The following ZNF451 variants were observed in gnomAD, a reference collection of about 807,000 sequenced individuals.
ZNF451 encodes the protein zinc finger protein 451, also known as E3 SUMO-protein ligase ZNF451.
ZNF451 carries 80 observed loss-of-function variants against 107.1 expected under a neutral mutation model. That is an observed-to-expected ratio of 0.75 (90% CI 0.62 to 0.90). ZNF451 has a LOEUF of 0.90. Ranked by LOEUF, ZNF451 falls within the 40% of genes least tolerant of loss-of-function variation. ZNF451 has a pLI of 0.00. For synonymous variants in ZNF451, 362 were observed against 406.5 expected (o/e 0.89, Z 1.32); for missense variants, 1,107 against 1,236.2 (o/e 0.90, Z 1.57).
chr6:57,092,362 CG>C (rs1370841836), intron 2 of ZNF451, among the ~76,000 whole-genome samples: 1 of 152,118 alleles, frequency 6.6e-6, no homozygotes, highest in Non-Finnish European at 1.5e-5. Flanking sequence ...GGATCACTTC[CG>C]TCTTTGCATC....
At chr6:57,101,723 G>A (rs1414751211) in intron 3 of ZNF451, 10 of 1,550,604 alleles carry the variant, frequency 6.4e-6, no homozygotes, top group Non-Finnish European at 8.7e-6. Context: ...TGGCAACTTT[G>A]TACTACTAGG....
intron 3 of ZNF451, 188 bp downstream of exon 3, chr6:57,099,329 A>G (rs13206250): frequency 0.056 from 35,804 of 642,092 alleles, 1,255 homozygotes; most frequent in Non-Finnish European, 0.071. Flanking sequence ...CTCTACTTTG[A>G]ATGAGATTAT....
At chr6:57,168,378 G>C (rs766317628) in intron 14 of ZNF451, 45 bp from the exon 15 acceptor site, 2 of 1,351,342 alleles carry the variant, frequency 1.5e-6, no homozygotes. Flanking sequence ...AGCACATGTT[G>C]AGTTTTCTGC....
chr6:57,103,008 A>G (rs1829680135), intron 3 of ZNF451: 1 of 985,270 alleles, frequency 1.0e-6, no homozygotes, highest in Non-Finnish European at 1.2e-6. Flanking sequence ...TGGCCTTCTT[A>G]AACAACCTAC....
intron 13 of ZNF451, chr6:57,159,302 G>T: frequency 1.0e-6 from 1 of 985,364 alleles, no homozygotes; most frequent in Non-Finnish European, 1.2e-6. Context: ...TGTAGCCTTA[G>T]GCCTTGCATG....
In ZNF451 at chr6:57,148,580, A is replaced by G. The variant is rs372487830; in HGVS notation, c.2495A>G (p.Lys832Arg). The stretch of plus-strand genomic sequence containing the variant: ...GGATCTGAAAAATCAAACCTGTACA[A>G]GTTTACTGCTAGTGCCTCACATACA... ...HFGSEKSNLYKFTASASHTER... is the reference protein window; with the variant it reads ...HFGSEKSNLYRFTASASHTER... The change falls in exon 10 of 15, where the codon AAG becomes AGG. Residue 832 changes from lysine to arginine, a missense_variant. Physicochemically the swap from Lys to Arg is conservative, Grantham distance 26 (BLOSUM62 2). Transcript: ENST00000370706. 20 of 1,614,170 alleles carry G rather than the reference A, an allele frequency of 1.2e-5. No individual in the cohort carries two copies. The highest frequency in any genetic ancestry group is 1.0e-4 in the Admixed American group (6 of 60,026).
At chr6:57,156,349 A>G (rs1763425035) in intron 13 of ZNF451, among the ~76,000 whole-genome samples, 1 of 152,184 alleles carries the variant, frequency 6.6e-6, no homozygotes, top group South Asian at 2.1e-4. Context: ...CTTTCCTAAC[A>G]AATAGCTTTG....
chr6:57,092,235 CTT>C (rs765902939), intron 2 of ZNF451, among the ~76,000 whole-genome samples: 20 of 152,236 alleles, frequency 1.3e-4, no homozygotes, highest in Non-Finnish European at 2.2e-4. Context: ...AGTAGCATCT[CTT>C]AATATTTGAA....
At chr6:57,099,798 T>TC (rs1829500756) in intron 3 of ZNF451, among the ~76,000 whole-genome samples, 5 of 152,370 alleles carry the variant, frequency 3.3e-5, no homozygotes, top group African/African-American at 1.2e-4. Context: ...GTTAATGAGC[T>TC]GTTTTCATCT....
intron 12 of ZNF451, among the ~76,000 whole-genome samples, 188 bp downstream of exon 12, chr6:57,152,539 G>C (rs1832399908): frequency 2.0e-5 from 3 of 152,138 alleles, no homozygotes; most frequent in African/African-American, 7.2e-5. Flanking sequence ...CAAACCTTCA[G>C]CTATCCATAG....
chr6:57,105,650 GC>G lies in ZNF451; in HGVS notation c.186+6510del, dbSNP rs1829817620. On this transcript the variant is annotated intron_variant, in intron 3 of 14. Coordinates refer to ENST00000370706, the MANE Select transcript of ZNF451 (RefSeq NM_001031623.3). ...AGTTCCTTTTTGTTATTAGTGAGTG[GC>G]TAATTTTGGGGGGCCTTAAGGCAGC... 3.0e-6 allele frequency: 3 copies of G among 985,156 alleles called. No homozygotes were observed. The South Asian group carries it at 1.4e-4, about 46-fold the overall frequency. 61.0% of individuals were successfully genotyped at this position (985,156 alleles called of 1,614,324 possible). A position where few individuals can be genotyped will look rare whatever the true frequency, so the allele number is the denominator to read the frequency against.
At position 57,169,873 on chromosome 6, in the gene ZNF451, C is replaced by T. The variant is rs1160546551; in HGVS notation, c.*1404C>T. On this transcript the variant is annotated 3_prime_UTR_variant, in exon 15 of 15. Transcript: ENST00000370706. ...TCTAGGAGGTAGTCACTGAGCTGGA[C>T]CTTAAACACATCTGCAGGAGCTCAC... 1.3e-5 allele frequency: 2 copies of T among 152,108 alleles called. No homozygotes were observed. The highest frequency in any genetic ancestry group is 2.9e-5 in the Non-Finnish European group (2 of 68,032). The allele number at this position is 152,108 out of a possible 1,614,324, so 9.4% of individuals were successfully genotyped here. A position where few individuals can be genotyped will look rare whatever the true frequency, so the allele number is the denominator to read the frequency against.
At chr6:57,144,950 T>A (rs375863819) in intron 9 of ZNF451, among the ~76,000 whole-genome samples, 1 of 152,142 alleles carries the variant, frequency 6.6e-6, no homozygotes, top group African/African-American at 2.4e-5. Flanking sequence ...AAAAGATATG[T>A]GTGGCTTAAC....
At position 57,134,801 on chromosome 6, in the gene ZNF451, C is replaced by T. The variant is rs903044426; in HGVS notation, c.633C>T (p.Ser211=). The change falls in exon 7 of 15, where the codon TCC becomes TCT. Residue 211 remains serine (S), a synonymous_variant. Transcript: ENST00000370706. ...CACTACATGGACCTTTCTTCAGCTC[C>T]TTTGCTTGTGTAGTATGTTATAAAA... ...TITLHGPFFS[S]FACVVCYKKF... The T allele has an allele frequency of 3.7e-6, 6 of 1,612,854 alleles. No homozygotes were observed. The highest frequency in any genetic ancestry group is 5.1e-6 in the Non-Finnish European group (6 of 1,179,558).
rs1391872141 is a variant in ZNF451 at position 57,090,200 on chromosome 6, G to T, written c.-54G>T. On this transcript the variant is annotated 5_prime_UTR_variant, in exon 1 of 15. Coordinates refer to ENST00000370706, the MANE Select transcript of ZNF451 (RefSeq NM_001031623.3). ...GGGCGGGAAGGGGATTCGTGGCGAC[G>T]GCGGCGGCAGGGACAGCAGGAGCAG... 5.7e-6 allele frequency: 9 copies of T among 1,583,454 alleles called. No individual in the cohort carries two copies. The highest frequency in any genetic ancestry group is 5.5e-5 in the Admixed American group (3 of 54,736).
chr6:57,152,144 T>C, intron 11 of ZNF451, 77 bp from the exon 12 acceptor site: 5 of 1,474,090 alleles, frequency 3.4e-6, no homozygotes, highest in Non-Finnish European at 4.5e-6. Flanking sequence ...TTTTCTAGTA[T>C]GTGTTTTTTC....
chr6:57,159,138 G>C, intron 13 of ZNF451: 1 of 985,346 alleles, frequency 1.0e-6, no homozygotes, highest in Non-Finnish European at 1.2e-6. Context: ...TCCATGCAAA[G>C]GTACTGAAAA....
chr6:57,119,404 A>G (rs1280215979), intron 3 of ZNF451, among the ~76,000 whole-genome samples: 1 of 152,104 alleles, frequency 6.6e-6, no homozygotes, highest in African/African-American at 2.4e-5. Context: ...ACGCGCCTGC[A>G]ATCTCAGCTA....
At position 57,091,925 on chromosome 6, in the gene ZNF451, A is replaced by G. The variant is rs575784295; in HGVS notation, c.105+1031A>G. ...ATAGATTTGTTTAGGAGTCCTTCAC[A>G]AGATTGTTTTATTGAATTTCTTTCC... On this transcript the variant is annotated intron_variant, in intron 2 of 14. Transcript: ENST00000370706. 5.3e-4 allele frequency among the ~76,000 whole-genome samples: 81 copies of G among 152,290 alleles called. 1 individual carries two copies. The highest frequency in any genetic ancestry group is 6.8e-3 in the Middle Eastern group (2 of 294).
Sources: allele counts gnomAD v4.1 joint callset (sites outside exome capture counted in the v4.1 genomes callset), GRCh38; gene constraint gnomAD v4.1.1; transcripts MANE v1.5; gene names NCBI Gene and HGNC (gene_info 2026-07-23, HGNC 2026-07-21).